MAD1L1: variants seen among roughly 807,000 people sequenced by gnomAD.
The protein encoded by MAD1L1 is mitotic arrest deficient 1 like 1.
Under a neutral mutation model 96.9 loss-of-function variants are expected in MAD1L1, and 95 were observed. That is an observed-to-expected ratio of 0.98 (90% CI 0.83 to 1.16). The LOEUF is 1.16. Ranked by LOEUF, MAD1L1 falls within the 50% of genes most tolerant of loss-of-function variation. The pLI, the probability that MAD1L1 is intolerant of heterozygous loss-of-function variation, is 0.00. For synonymous variants in MAD1L1, 473 were observed against 396.6 expected, an observed-to-expected ratio of 1.19 and a Z score of -2.29; for missense variants, 1,007 against 954.4, an observed-to-expected ratio of 1.06 and a Z score of -0.73.
intron 11 of MAD1L1, among the ~76,000 whole-genome samples, chr7:2,122,228 C>T (rs1788013808): frequency 6.6e-6 from 1 of 152,238 alleles, no homozygotes; most frequent in African/African-American, 2.4e-5. Flanking sequence ...TGGAGAAATG[C>T]TCAGACTGCC....
intron 18 of MAD1L1, among the ~76,000 whole-genome samples, chr7:1,893,709 C>T (rs1046073717): frequency 2.0e-5 from 3 of 152,138 alleles, no homozygotes; most frequent in African/African-American, 7.2e-5. Flanking sequence ...GGTCAGGGCC[C>T]CCAGGGAGCA....
chr7:2,212,353 C>T (rs1183789971), intron 10 of MAD1L1, among the ~76,000 whole-genome samples: 1 of 152,234 alleles, frequency 6.6e-6, no homozygotes, highest in Non-Finnish European at 1.5e-5. Flanking sequence ...AAGCACCAGA[C>T]AATCGTCTTC....
At chr7:2,228,192 C>T (rs569740851) in intron 3 of MAD1L1, among the ~76,000 whole-genome samples, 1 of 152,164 alleles carries the variant, frequency 6.6e-6, no homozygotes, top group East Asian at 1.9e-4. Flanking sequence ...GGCCTCCGAG[C>T]CCCAAGACAG....
intron 11 of MAD1L1, among the ~76,000 whole-genome samples, chr7:2,105,100 G>A (rs1316947706): frequency 6.6e-6 from 1 of 152,192 alleles, no homozygotes; most frequent in African/African-American, 2.4e-5. Flanking sequence ...AAAGAGGTCT[G>A]CCGGGAAGAA....
intron 13 of MAD1L1, among the ~76,000 whole-genome samples, chr7:2,002,795 C>T (rs1781856761): frequency 6.6e-6 from 1 of 152,246 alleles, no homozygotes; most frequent in Non-Finnish European, 1.5e-5. Flanking sequence ...AGTCCAGCTC[C>T]CTGCTGGGGA....
At chr7:2,105,067 A>G (rs56171232) in intron 11 of MAD1L1, among the ~76,000 whole-genome samples, 4,127 of 152,322 alleles carry the variant, frequency 0.027, 98 homozygotes, top group South Asian at 0.09. Flanking sequence ...GGGGCCGGAC[A>G]CCGCAGTGAG....
intron 16 of MAD1L1, among the ~76,000 whole-genome samples, chr7:1,948,998 A>G (rs1779359781): frequency 6.6e-6 from 1 of 152,204 alleles, no homozygotes; most frequent in Non-Finnish European, 1.5e-5. Flanking sequence ...CACAGGATCC[A>G]GGAGGAAGGA....
chr7:1,834,716 A>C (rs1460919152), intron 18 of MAD1L1, among the ~76,000 whole-genome samples: 2 of 152,220 alleles, frequency 1.3e-5, no homozygotes, highest in Non-Finnish European at 2.9e-5. Context: ...TCAATTCTAC[A>C]TTAACTCTTT....
chr7:2,138,442 T>C (rs1788864274), intron 11 of MAD1L1, among the ~76,000 whole-genome samples: 1 of 152,096 alleles, frequency 6.6e-6, no homozygotes, highest in African/African-American at 2.4e-5. Flanking sequence ...CCAAGTGGCC[T>C]AGAGAGATGA....
intron 16 of MAD1L1, among the ~76,000 whole-genome samples, chr7:1,943,795 G>A (rs1191361160): frequency 6.6e-6 from 1 of 152,072 alleles, no homozygotes; most frequent in Admixed American, 6.6e-5. Flanking sequence ...CAGGGCAGCT[G>A]TGTTCATAAC....
chr7:2,075,559 T>C (rs1785336449), intron 11 of MAD1L1, among the ~76,000 whole-genome samples: 1 of 152,110 alleles, frequency 6.6e-6, no homozygotes, highest in Non-Finnish European at 1.5e-5. Flanking sequence ...AATGAAGTTC[T>C]TAGTTCCTCA....
chr7:1,997,867 C>T (rs1399305811), intron 14 of MAD1L1, among the ~76,000 whole-genome samples: 1 of 152,196 alleles, frequency 6.6e-6, no homozygotes, highest in African/African-American at 2.4e-5. Flanking sequence ...CCAGCGAGAC[C>T]CCTCCTCTCG....
chr7:2,218,102 T>G (rs1323412003), intron 6 of MAD1L1, 59 bp from the exon 7 acceptor site: 3 of 1,353,476 alleles, frequency 2.2e-6, no homozygotes, highest in Middle Eastern at 1.8e-4. Context: ...CCAACAATTC[T>G]CCTCAGCCTG....
chr7:2,092,453 T>G (rs994208151), intron 11 of MAD1L1, among the ~76,000 whole-genome samples: 1 of 152,062 alleles, frequency 6.6e-6, no homozygotes, highest in Non-Finnish European at 1.5e-5. Flanking sequence ...ATCTGCCCTC[T>G]GGATATCGGT....
intron 18 of MAD1L1, among the ~76,000 whole-genome samples, chr7:1,818,197 G>T (rs2128618688): frequency 6.6e-6 from 1 of 152,220 alleles, no homozygotes. Context: ...TGGGGAGGCA[G>T]TGTGGGAAGA....
chr7:2,064,102 G>A (rs1784778443), intron 12 of MAD1L1, among the ~76,000 whole-genome samples: 1 of 152,154 alleles, frequency 6.6e-6, no homozygotes, highest in Non-Finnish European at 1.5e-5. Flanking sequence ...GGCTAACCCT[G>A]CCGAGACACT....
chr7:1,888,499 G>C (rs1467581697), intron 18 of MAD1L1, among the ~76,000 whole-genome samples: 1 of 148,490 alleles, frequency 6.7e-6, no homozygotes, highest in Non-Finnish European at 1.5e-5. Flanking sequence ...CATGTATGTG[G>C]CTGCCTGTTC....
At chr7:1,852,429 C>G (rs1359943059) in intron 18 of MAD1L1, among the ~76,000 whole-genome samples, 1 of 152,148 alleles carries the variant, frequency 6.6e-6, no homozygotes, top group Non-Finnish European at 1.5e-5. Flanking sequence ...CTCAATGGAC[C>G]TTGCACTGGG....
At chr7:2,213,886 C>T (rs1793118228) in intron 9 of MAD1L1, among the ~76,000 whole-genome samples, 2 of 152,234 alleles carry the variant, frequency 1.3e-5, no homozygotes, top group Non-Finnish European at 2.9e-5. Context: ...CCTTCTAGGA[C>T]GGAAGCAATC....
Sources: gnomAD v4.1 joint callset for allele counts (sites outside exome capture counted in the v4.1 genomes callset) on GRCh38, gnomAD v4.1.1 for gene constraint, MANE v1.5 for transcripts, NCBI Gene and HGNC (gene_info 2026-07-23, HGNC 2026-07-21) for gene names.